Variants in SLC30A3 observed in about 807,000 individuals in gnomAD.
The protein encoded by SLC30A3 is probable proton-coupled zinc antiporter SLC30A3.
SLC30A3 carries 20 observed loss-of-function variants against 35.6 expected under a neutral mutation model. The observed-to-expected ratio is 0.56, with a 90% confidence interval of 0.39 to 0.82. SLC30A3 has a LOEUF of 0.82. Ranked by LOEUF, SLC30A3 falls within the 40% of genes least tolerant of loss-of-function variation. The probability of loss-of-function intolerance (pLI) is 0.00; values close to 1 mark genes in which losing one functional copy is unlikely to be tolerated. For missense variants in SLC30A3, 401 were observed against 530.6 expected, an observed-to-expected ratio of 0.76 and a Z score of 2.40; for synonymous variants, 217 against 224.7, an observed-to-expected ratio of 0.97 and a Z score of 0.31.
chr2:27,258,658 G>C lies in SLC30A3; in HGVS notation c.277+95C>G. 7.3e-7 allele frequency: 1 copy of C among 1,361,280 alleles called. No homozygotes were observed. Among genetic ancestry groups the C allele is most frequent in the East Asian group, 2.3e-5 (1 of 43,482 alleles). The allele number at this position is 1,361,280 out of a possible 1,614,324, so 84.3% of individuals were successfully genotyped here. A position where few individuals can be genotyped will look rare whatever the true frequency, so the allele number is the denominator to read the frequency against. On this transcript the variant is annotated intron_variant, in intron 2 of 7. Transcript: ENST00000233535. The surrounding 1 kb of genome is among the most constrained non-coding windows in gnomAD (Gnocchi z 4.0). Reference sequence around the variant, plus strand: ...CCCTATCCCAGCCATCCCCATCTCTGCATCTGCACCCAGGAACATTCCTGG... The same window carrying C: ...CCCTATCCCAGCCATCCCCATCTCTCCATCTGCACCCAGGAACATTCCTGG...
rs746444884 is a variant in SLC30A3, at chr2:27,258,899, TC to T, written c.130del (p.Glu44SerfsTer60). On this transcript the variant is annotated frameshift_variant, in exon 2 of 8. Transcript: ENST00000233535. LOFTEE classifies it high-confidence loss of function. This position sits in a 1 kb window ranked among gnomAD's most constrained non-coding sequence, Gnocchi z 4.0. ...FTEPSEPLPEESKPVEMPFHH... is the reference protein window; with the variant it reads ...FTEPSEPLPEXSKPVEMPFHH... ...GAAGGGCATCTCCACAGGTTTGGAC[TC>T]CTCAGGGAGGGGCTCTGAGGGCTCT... 6.2e-7 allele frequency: 1 copy of T among 1,611,472 alleles called. No homozygotes were observed. The highest frequency in any genetic ancestry group is 8.5e-7 in the Non-Finnish European group (1 of 1,178,804).
Position 27,258,844 on chromosome 2 carries a change from C to T in SLC30A3, c.186G>A (p.Pro62=), listed in dbSNP as rs1344983746. The change falls in exon 2 of 8, where the codon CCG becomes CCA. Residue 62 remains proline, a synonymous_variant. Transcript: ENST00000233535. This position sits in a 1 kb window ranked among gnomAD's most constrained non-coding sequence, Gnocchi z 4.0. Reference sequence around the variant, plus strand: ...GCAGCCTCTCAGGGGTAAGGCCCGGCGGCGGAAGGGGGTCCCTGTGGCAGT... The same window carrying T: ...GCAGCCTCTCAGGGGTAAGGCCCGGTGGCGGAAGGGGGTCCCTGTGGCAGT... ...FHHCHRDPLP[P]PGLTPERLHA... 14 of 1,614,134 alleles carry T rather than the reference C, an allele frequency of 8.7e-6. No individual in the cohort carries two copies. The East Asian group carries it at 8.9e-5, about 10-fold the overall frequency.
chr2:27,267,929 A>G (rs1279718488), upstream of SLC30A3, among the ~76,000 whole-genome samples: 1 of 150,380 alleles, frequency 6.6e-6, no homozygotes, highest in Non-Finnish European at 1.5e-5. Flanking sequence ...ACAAGACTCC[A>G]TCTCAAAAAA....
upstream of SLC30A3, chr2:27,263,052 C>A: frequency 1.5e-6 from 2 of 1,364,768 alleles, no homozygotes; most frequent in South Asian, 1.7e-5. Context: ...GCGACTGTGG[C>A]GCGCGGAGTC....
In SLC30A3 at chr2:27,257,165, T is replaced by G; in HGVS notation, c.766A>C (p.Ile256Leu). ...TCCAATGATGGTACCTTGAAGTAGA[T>G]GAGGATGGAGGCAGCCAGTACCCCA... ...SFGVLAASIL[I>L]YFKPQYKAAD... is the part of the protein sequence containing the mutation. The change falls in exon 5 of 8, where the codon ATC (isoleucine) becomes CTC (leucine). Residue 256 changes from isoleucine to leucine, a missense_variant. This residue lies in a region of SLC30A3 where 296 missense variants were observed against 392.6 expected (regional missense o/e 0.75). Coordinates refer to ENST00000233535, the MANE Select transcript of SLC30A3 (RefSeq NM_003459.5). The surrounding 1 kb of genome is among the most constrained non-coding windows in gnomAD (Gnocchi z 4.7). 1 of 1,613,816 alleles carries G rather than the reference T, an allele frequency of 6.2e-7. No homozygotes were observed. Among genetic ancestry groups the G allele is most frequent in the Non-Finnish European group, 8.5e-7 (1 of 1,179,854 alleles).
At chr2:27,269,486 T>C (rs1461898335) in intron 1 of SLC30A3, among the ~76,000 whole-genome samples, 3 of 151,986 alleles carry the variant, frequency 2.0e-5, no homozygotes, top group Non-Finnish European at 4.4e-5. Context: ...GGCTTACAGG[T>C]GTGAGCCACC....
intron 1 of SLC30A3, 117 bp from the exon 2 acceptor site, chr2:27,259,051 T>C: frequency 1.3e-6 from 1 of 792,702 alleles, no homozygotes; most frequent in South Asian, 1.9e-5. Context: ...GGCCTGGTCG[T>C]ATCTGGGAGC....
chr2:27,263,300 C>G, upstream of SLC30A3: 1 of 478,728 alleles, frequency 2.1e-6, no homozygotes, highest in South Asian at 1.6e-5. Context: ...GTCCCGCCCA[C>G]CGGTTCCAAG....
intron 1 of SLC30A3, among the ~76,000 whole-genome samples, chr2:27,260,708 G>A (rs891281023): frequency 6.6e-6 from 1 of 152,184 alleles, no homozygotes; most frequent in African/African-American, 2.4e-5. Context: ...CTGCCAAGTG[G>A]GTGAACTGAG....
At position 27,257,481 on chromosome 2, in the gene SLC30A3, T is replaced by C. The variant is rs532029408; in HGVS notation, c.579-129A>G. On this transcript the variant is annotated intron_variant, in intron 4 of 7. Transcript: ENST00000233535. This position sits in a 1 kb window ranked among gnomAD's most constrained non-coding sequence, Gnocchi z 4.7. ...AGAAAACAGCATTTTGCAAGAGAGATAAACAATGCAGCCTGGGGGAAAGAA... is the reference window on the plus strand; with the variant it reads ...AGAAAACAGCATTTTGCAAGAGAGACAAACAATGCAGCCTGGGGGAAAGAA... The C allele has an allele frequency of 1.0e-3, 903 of 869,860 alleles. 20 individuals carry two copies. The South Asian group carries it at 0.013, about 13-fold the overall frequency. The allele number at this position is 869,860 out of a possible 1,614,324, so 53.9% of individuals were successfully genotyped here. A position where few individuals can be genotyped will look rare whatever the true frequency, so the allele number is the denominator to read the frequency against.
Position 27,257,471 on chromosome 2 carries a change from G to T in SLC30A3, c.579-119C>A. On this transcript the variant is annotated intron_variant, in intron 4 of 7. Coordinates refer to ENST00000233535, the MANE Select transcript of SLC30A3 (RefSeq NM_003459.5). This position sits in a 1 kb window ranked among gnomAD's most constrained non-coding sequence, Gnocchi z 4.7. ...AGCCCCTGGAAGAAAACAGCATTTTGCAAGAGAGATAAACAATGCAGCCTG... is the reference window on the plus strand; with the variant it reads ...AGCCCCTGGAAGAAAACAGCATTTTTCAAGAGAGATAAACAATGCAGCCTG... 2 of 967,808 alleles carry T rather than the reference G, an allele frequency of 2.1e-6. No individual in the cohort carries two copies. Among genetic ancestry groups the T allele is most frequent in the Non-Finnish European group, 3.2e-6 (2 of 633,866 alleles). 60.0% of individuals were successfully genotyped at this position (967,808 alleles called of 1,614,324 possible). A position where few individuals can be genotyped will look rare whatever the true frequency, so the allele number is the denominator to read the frequency against.
chr2:27,267,253 T>C (rs577089999), upstream of SLC30A3, among the ~76,000 whole-genome samples: 1 of 152,296 alleles, frequency 6.6e-6, no homozygotes, highest in Admixed American at 6.5e-5. Context: ...ATTACTGCAA[T>C]AGCCTCCTCC....
At chr2:27,260,908 G>T (rs532027972) in intron 1 of SLC30A3, among the ~76,000 whole-genome samples, 10 of 152,202 alleles carry the variant, frequency 6.6e-5, no homozygotes, top group Non-Finnish European at 8.8e-5. Context: ...TCAATGAGGT[G>T]CACCAGGCAG....
At chr2:27,264,501 TG>T (rs1166581795), upstream of SLC30A3, among the ~76,000 whole-genome samples, 3 of 152,176 alleles carry the variant, frequency 2.0e-5, no homozygotes, top group Non-Finnish European at 2.9e-5. This position sits in a 1 kb window ranked among gnomAD's most constrained non-coding sequence, Gnocchi z 6.1. Flanking sequence ...GAGTGTGGCT[TG>T]GCCCGTGCCA....
At position 27,274,685 on chromosome 2, in the gene SLC30A3, AG is replaced by A. The variant is rs1677920774; in HGVS notation, c.-159+491del. 6.7e-5 allele frequency among the ~76,000 whole-genome samples: 10 copies of A among 150,364 alleles called. No homozygotes were observed. The South Asian group carries it at 2.1e-3, about 31-fold the overall frequency. On this transcript the variant is annotated intron_variant, in intron 1 of 5. Transcript: ENST00000424577. ...ATCAAGAGCGTAAAAAAAAAAGAAA[AG>A]AAAAAAGAAAAAAAAAATCATTTCG...
chr2:27,256,704 T>G, intron 6 of SLC30A3, 84 bp downstream of exon 6: 1 of 1,297,196 alleles, frequency 7.7e-7, no homozygotes, highest in Non-Finnish European at 1.1e-6. Context: ...TCCCGTACTA[T>G]CTTCAAAGAA....
At chr2:27,270,813 A>G (rs543826054) in intron 1 of SLC30A3, among the ~76,000 whole-genome samples, 2 of 152,230 alleles carry the variant, frequency 1.3e-5, no homozygotes, top group East Asian at 1.9e-4. Context: ...AAGCAGAGGC[A>G]AACACAATTG....
At chr2:27,263,103 TG>T (rs1677312374), upstream of SLC30A3, 1 of 1,345,834 alleles carries the variant, frequency 7.4e-7, no homozygotes, top group African/African-American at 1.5e-5. Context: ...CCGCCCCGCG[TG>T]GGGCGAGCTC....
Position 27,254,758 on chromosome 2 carries a change from GAACACACA to G in SLC30A3, c.*546_*553del, listed in dbSNP as rs902535480. The stretch of plus-strand genomic sequence containing the variant: ...AGAGACACACAGGCCACAGCACCAA[GAACACACA>G]CACACACACACACACACACACACAC... On this transcript the variant is annotated 3_prime_UTR_variant, in exon 8 of 8. Coordinates refer to ENST00000233535, the MANE Select transcript of SLC30A3 (RefSeq NM_003459.5). 5.4e-6 allele frequency: 1 copy of G among 186,526 alleles called. No homozygotes were observed. The highest frequency in any genetic ancestry group is 6.5e-5 in the Admixed American group (1 of 15,268). 11.6% of individuals were successfully genotyped at this position (186,526 alleles called of 1,614,324 possible). A position where few individuals can be genotyped will look rare whatever the true frequency, so the allele number is the denominator to read the frequency against.
Sources: allele counts gnomAD v4.1 joint callset (sites outside exome capture counted in the v4.1 genomes callset), GRCh38; gene constraint gnomAD v4.1.1; regional missense constraint gnomAD v4.1.1; non-coding constraint Gnocchi (gnomAD v3.1); transcripts MANE v1.5; gene names NCBI Gene and HGNC (gene_info 2026-07-23, HGNC 2026-07-21).